The following SNX29 variants were observed in gnomAD, a reference collection of about 807,000 sequenced individuals.
The protein encoded by SNX29 is sorting nexin 29.
Under a neutral mutation model 102.1 loss-of-function variants are expected in SNX29, and 78 were observed. The observed-to-expected ratio is 0.76, with a 90% CI of 0.64 to 0.92. SNX29 has a LOEUF of 0.92. Among genes scored for constraint, SNX29 ranks in the 40% least tolerant of loss-of-function variants. The probability of loss-of-function intolerance (pLI) is 0.00; values close to 1 mark genes in which losing one functional copy is unlikely to be tolerated. For missense variants in SNX29, 1,280 were observed against 1,061.7 expected (o/e 1.21, Z -2.86); for synonymous variants, 580 against 414.5 (o/e 1.40, Z -4.85).
chr16:12,470,666 C>T (rs2087294123), intron 18 of SNX29, among the ~76,000 whole-genome samples: 1 of 152,176 alleles, frequency 6.6e-6, no homozygotes. Flanking sequence ...CTTAGCTGTC[C>T]AATCCACAGA....
At chr16:12,314,560 T>C (rs926320107) in intron 15 of SNX29, among the ~76,000 whole-genome samples, 1 of 152,236 alleles carries the variant, frequency 6.6e-6, no homozygotes, top group Non-Finnish European at 1.5e-5. Flanking sequence ...TGAGTTAGTG[T>C]TTATGAATAG....
chr16:12,573,360 C>T lies in SNX29; in HGVS notation c.*4731C>T, dbSNP rs1003760650. On this transcript the variant is annotated 3_prime_UTR_variant, in exon 21 of 21. Coordinates refer to ENST00000566228, the MANE Select transcript of SNX29 (RefSeq NM_032167.5). ...GGAGTAGACAGTTACTTCTAAATCC[C>T]AGCAACCAAGTTGCGTATCCTTCCT... The T allele has an allele frequency of 9.3e-5, 21 of 224,982 alleles. No individual in the cohort carries two copies. Among genetic ancestry groups the T allele is most frequent in the South Asian group, 1.8e-4 (1 of 5,464 alleles). The allele number at this position is 224,982 out of a possible 1,614,324, so 13.9% of individuals were successfully genotyped here. A position where few individuals can be genotyped will look rare whatever the true frequency, so the allele number is the denominator to read the frequency against.
chr16:12,200,663 A>G (rs1357029342), intron 14 of SNX29, among the ~76,000 whole-genome samples: 1 of 152,096 alleles, frequency 6.6e-6, no homozygotes, highest in Non-Finnish European at 1.5e-5. Context: ...TTGTATTTTT[A>G]GTAGAGATGG....
intron 16 of SNX29, among the ~76,000 whole-genome samples, chr16:12,391,172 C>T (rs1459912051): frequency 6.6e-6 from 1 of 152,146 alleles, no homozygotes; most frequent in Non-Finnish European, 1.5e-5. Context: ...CCTTAGACTC[C>T]TGGGCCCAAG....
intron 20 of SNX29, among the ~76,000 whole-genome samples, chr16:12,556,191 G>A (rs1443090296): frequency 6.6e-6 from 1 of 152,154 alleles, no homozygotes; most frequent in Non-Finnish European, 1.5e-5. Flanking sequence ...ATGTTGCTGA[G>A]TCTGAAATGC....
chr16:12,288,458 G>C (rs1225495681), intron 15 of SNX29, among the ~76,000 whole-genome samples: 5 of 152,190 alleles, frequency 3.3e-5, no homozygotes, highest in Non-Finnish European at 1.5e-5. Flanking sequence ...GGGTCACCCT[G>C]CTCTGCAGCA....
chr16:12,155,373 C>T (rs1443243047), intron 13 of SNX29, among the ~76,000 whole-genome samples: 2 of 152,294 alleles, frequency 1.3e-5, no homozygotes, highest in East Asian at 3.9e-4. Context: ...GGAGGAGCAG[C>T]TCACGTGAAG....
intron 18 of SNX29, among the ~76,000 whole-genome samples, chr16:12,436,348 C>T (rs535378433): frequency 2.0e-5 from 3 of 152,316 alleles, no homozygotes; most frequent in East Asian, 1.9e-4. Flanking sequence ...AACACAGCAC[C>T]GTTTTTAGTA....
Position 12,135,419 on chromosome 16 carries a change from C to G in SNX29, c.1595+5661C>G, listed in dbSNP as rs915571326. On this transcript the variant is annotated intron_variant, in intron 13 of 20. Transcript: ENST00000566228. ...CCAGAGGATGGCAGCCCACCCAGGC[C>G]TGGACAGTTGGGTTGCTCCATCCAT... 3.2e-6 allele frequency: 3 copies of G among 934,218 alleles called. No individual in the cohort carries two copies. The African/African-American group carries it at 5.1e-5, about 16-fold the overall frequency. 57.9% of individuals were successfully genotyped at this position (934,218 alleles called of 1,614,324 possible). A position where few individuals can be genotyped will look rare whatever the true frequency, so the allele number is the denominator to read the frequency against.
chr16:12,451,454 A>C (rs116560755), intron 18 of SNX29, among the ~76,000 whole-genome samples: 3,896 of 152,332 alleles, frequency 0.026, 172 homozygotes, highest in African/African-American at 0.089. Context: ...TGGCTGCCCA[A>C]TGTGTGGGAT....
intron 3 of SNX29, among the ~76,000 whole-genome samples, 170 bp from the exon 4 acceptor site, chr16:12,027,150 G>A (rs1335949789): frequency 6.6e-6 from 1 of 152,222 alleles, no homozygotes; most frequent in Non-Finnish European, 1.5e-5. Context: ...CACGGGAGGT[G>A]TGTGGAGTGG....
chr16:12,502,501 C>G (rs149719196), intron 19 of SNX29, among the ~76,000 whole-genome samples: 1,943 of 152,068 alleles, frequency 0.013, 46 homozygotes, highest in African/African-American at 0.044. Flanking sequence ...TGAATGCCAC[C>G]CCCCAACTCT....
chr16:12,280,108 C>T (rs1169261720), intron 15 of SNX29, among the ~76,000 whole-genome samples: 1 of 152,188 alleles, frequency 6.6e-6, no homozygotes, highest in African/African-American at 2.4e-5. Flanking sequence ...GCCACTAGTT[C>T]ATTCGTGGGC....
intron 13 of SNX29, among the ~76,000 whole-genome samples, chr16:12,148,979 G>A (rs540962333): frequency 1.6e-3 from 238 of 152,286 alleles, no homozygotes; most frequent in Middle Eastern, 3.4e-3. Flanking sequence ...TGGGATTACA[G>A]GTGTGAGCCA....
At chr16:12,533,682 A>T (rs1471934900) in intron 20 of SNX29, among the ~76,000 whole-genome samples, 1 of 152,120 alleles carries the variant, frequency 6.6e-6, no homozygotes, top group Non-Finnish European at 1.5e-5. Flanking sequence ...CCCCAAATTT[A>T]CCTCTGTCGA....
intron 15 of SNX29, among the ~76,000 whole-genome samples, chr16:12,318,590 T>TG (rs2151164805): frequency 6.6e-6 from 1 of 152,294 alleles, no homozygotes; most frequent in South Asian, 2.1e-4. Flanking sequence ...TTAGGGCTCC[T>TG]GGCTGGACGC....
In SNX29 at chr16:12,061,659, C is replaced by A; in HGVS notation, c.1243+13C>A. The A allele has an allele frequency of 6.3e-7, 1 of 1,596,688 alleles. No homozygotes were observed. The highest frequency in any genetic ancestry group is 2.2e-5 in the East Asian group (1 of 44,628). On this transcript the variant is annotated intron_variant, in intron 9 of 20. Transcript: ENST00000566228. ...TACAGCCCAGCAGGTGGGTGTCTCC[C>A]GATTACTCCTTTCCTCCAATAAGAG... is the stretch of plus-strand genomic sequence containing the variant.
chr16:12,398,887 C>T (rs147749159), intron 17 of SNX29, among the ~76,000 whole-genome samples: 9 of 152,286 alleles, frequency 5.9e-5, no homozygotes, highest in East Asian at 1.9e-4. Context: ...CCACAGTTCC[C>T]GCTCTTTGCT....
intron 19 of SNX29, among the ~76,000 whole-genome samples, chr16:12,502,229 T>C (rs1245001452): frequency 6.6e-6 from 1 of 151,990 alleles, no homozygotes; most frequent in Non-Finnish European, 1.5e-5. Flanking sequence ...TGAGGGGCGG[T>C]GGAGGAGGGC....
Sources: gnomAD v4.1 joint callset for allele counts (sites outside exome capture counted in the v4.1 genomes callset) on GRCh38, gnomAD v4.1.1 for gene constraint, MANE v1.5 for transcripts, NCBI Gene and HGNC (gene_info 2026-07-23, HGNC 2026-07-21) for gene names.